The following HSPA12A variants were observed in gnomAD, a reference collection of about 807,000 sequenced individuals.
HSPA12A encodes the protein heat shock protein family A (Hsp70) member 12A.
In HSPA12A, 28 loss-of-function variants were observed where a neutral mutation model predicts 69.2. The ratio of observed to expected loss-of-function variants is 0.40; its 90% CI spans 0.30 to 0.55. The LOEUF (loss-of-function observed/expected upper bound fraction) is 0.55. HSPA12A is among the 20% of genes least tolerant of loss of function. HSPA12A has a pLI of 0.38. For missense variants in HSPA12A, 686 were observed against 900.7 expected (o/e 0.76, Z 3.05); for synonymous variants, 345 against 370.5 (o/e 0.93, Z 0.79).
At chr10:116,778,033 TA>T (rs1156738202) in intron 2 of HSPA12A, among the ~76,000 whole-genome samples, 1 of 152,084 alleles carries the variant, frequency 6.6e-6, no homozygotes, top group Admixed American at 6.6e-5. Context: ...GCCTGTTATT[TA>T]ACTCTTAATA....
At chr10:116,680,774 C>T (rs782529614) in intron 9 of HSPA12A, among the ~76,000 whole-genome samples, 5 of 152,194 alleles carry the variant, frequency 3.3e-5, no homozygotes, top group African/African-American at 9.7e-5. Context: ...CGTGAGCCAC[C>T]GCACTTGGCC....
At chr10:116,693,788 A>G (rs894599206) in intron 5 of HSPA12A, among the ~76,000 whole-genome samples, 6 of 152,214 alleles carry the variant, frequency 3.9e-5, no homozygotes, top group Non-Finnish European at 2.9e-5. Flanking sequence ...TTTTAATAAA[A>G]ATGTTTCATG....
chr10:116,689,243 T>TA (rs1554879843), intron 6 of HSPA12A, among the ~76,000 whole-genome samples: 28 of 236 alleles, frequency 0.12, no homozygotes, highest in African/African-American at 0.29. Context: ...CCCCCACCAC[T>TA]GCCCAGAAAC....
rs1849594444 is a variant in HSPA12A, at chr10:116,686,995, A to T, written c.664-3033T>A. Among the ~76,000 whole-genome samples, 1 of 152,192 alleles carries T rather than the reference A, an allele frequency of 6.6e-6. No homozygotes were observed. Among genetic ancestry groups the T allele is most frequent in the Admixed American group, 6.5e-5 (1 of 15,272 alleles). On this transcript the variant is annotated intron_variant, in intron 6 of 11. Transcript: ENST00000369209. The surrounding 1 kb of genome is among the most constrained non-coding windows in gnomAD (Gnocchi z 4.1). ...GGGAAATCTTTATATGGAAATTCAG[A>T]TCCAGCAGTCTAGAGGGGTGAAGAG...
chr10:116,748,816 A>G (rs1452740842), intron 2 of HSPA12A, among the ~76,000 whole-genome samples: 1 of 152,188 alleles, frequency 6.6e-6, no homozygotes, highest in Admixed American at 6.5e-5. Context: ...ACCTCCCACT[A>G]GGTCCCTCCC....
chr10:116,806,812 C>T (rs1254922299), intron 2 of HSPA12A, among the ~76,000 whole-genome samples: 3 of 152,182 alleles, frequency 2.0e-5, no homozygotes, highest in African/African-American at 7.2e-5. Flanking sequence ...CCCGTGGCCC[C>T]CCAAAAGATA....
intron 2 of HSPA12A, among the ~76,000 whole-genome samples, chr10:116,772,368 C>T (rs1452059618): frequency 1.3e-5 from 2 of 152,118 alleles, no homozygotes; most frequent in African/African-American, 2.4e-5. Flanking sequence ...GACTCTACCC[C>T]ACTTGCTCCT....
chr10:116,780,409 A>T (rs952824997), intron 2 of HSPA12A, among the ~76,000 whole-genome samples: 4 of 152,038 alleles, frequency 2.6e-5, no homozygotes, highest in Admixed American at 2.0e-4. Context: ...TGGAGTGCAG[A>T]GGTGCAGTCA....
intron 2 of HSPA12A, chr10:116,830,422 G>A (rs1239907601): frequency 6.6e-6 from 1 of 152,048 alleles, no homozygotes; most frequent in Non-Finnish European, 1.5e-5. Flanking sequence ...TATACATATT[G>A]TTAATTTATA....
intron 7 of HSPA12A, 129 bp from the exon 8 acceptor site, chr10:116,682,006 A>C (rs1849419112): frequency 9.5e-6 from 7 of 735,106 alleles, no homozygotes; most frequent in Non-Finnish European, 1.6e-5. Flanking sequence ...TGACCAAAAT[A>C]AGTCAATACG....
intron 1 of HSPA12A, among the ~76,000 whole-genome samples, chr10:116,837,665 A>T (rs1845738848): frequency 6.6e-6 from 1 of 152,212 alleles, no homozygotes; most frequent in African/African-American, 2.4e-5. Flanking sequence ...GGGATTTTAG[A>T]TTTTAAAATA....
chr10:116,803,620 C>T (rs952591357), intron 2 of HSPA12A, among the ~76,000 whole-genome samples: 28 of 152,298 alleles, frequency 1.8e-4, no homozygotes, highest in Middle Eastern at 3.4e-3. Flanking sequence ...CAGAGAAGGC[C>T]CTTCTTGGAT....
At chr10:116,736,307 G>A (rs535888299) in intron 1 of HSPA12A, among the ~76,000 whole-genome samples, 4 of 152,220 alleles carry the variant, frequency 2.6e-5, no homozygotes, top group East Asian at 3.9e-4. Flanking sequence ...GCAGGTGCAC[G>A]AGGAACCTGA....
intron 2 of HSPA12A, among the ~76,000 whole-genome samples, chr10:116,751,446 T>G (rs1851776184): frequency 6.6e-6 from 1 of 152,222 alleles, no homozygotes; most frequent in South Asian, 2.1e-4. Context: ...CCACAATATA[T>G]CTGTTTTCTC....
chr10:116,845,475 CT>C (rs1449304442), intron 1 of HSPA12A, among the ~76,000 whole-genome samples: 2 of 152,122 alleles, frequency 1.3e-5, no homozygotes. Flanking sequence ...CAGTTACAGA[CT>C]CATGGAATGT....
chr10:116,822,433 G>A (rs536303347), intron 2 of HSPA12A, among the ~76,000 whole-genome samples: 1 of 152,228 alleles, frequency 6.6e-6, no homozygotes, highest in Non-Finnish European at 1.5e-5. Context: ...TCACCAGGAC[G>A]CCCTGTGGGT....
At chr10:116,748,722 CCTCTTTATAAAACCA>C (rs1554888026) in intron 2 of HSPA12A, among the ~76,000 whole-genome samples, 28 of 152,190 alleles carry the variant, frequency 1.8e-4, no homozygotes, top group African/African-American at 6.8e-4. Flanking sequence ...CAAGGGAACT[CCTCTTTATAAAACCA>C]TCAGATTTCA....
chr10:116,739,873 G>T (rs1851427046), intron 1 of HSPA12A, among the ~76,000 whole-genome samples: 1 of 151,812 alleles, frequency 6.6e-6, no homozygotes, highest in African/African-American at 2.4e-5. Flanking sequence ...ACGCACCTCT[G>T]CCCACTCCCC....
intron 3 of HSPA12A, among the ~76,000 whole-genome samples, chr10:116,704,560 T>A (rs1268724467): frequency 6.6e-6 from 1 of 151,886 alleles, no homozygotes; most frequent in Admixed American, 6.5e-5. Context: ...TGTATACATA[T>A]GTAACAAACC....
Sources: gnomAD v4.1 joint callset for allele counts (sites outside exome capture counted in the v4.1 genomes callset) on GRCh38, gnomAD v4.1.1 for gene constraint, Gnocchi (gnomAD v3.1) non-coding constraint, MANE v1.5 for transcripts, NCBI Gene and HGNC (gene_info 2026-07-23, HGNC 2026-07-21) for gene names.